Variants in CHL1 observed in about 807,000 individuals in gnomAD.
CHL1 encodes cell adhesion molecule L1 like, also known as neural cell adhesion molecule L1-like protein.
CHL1 carries 96 observed loss-of-function variants against 141.9 expected under a neutral mutation model. That is an observed-to-expected ratio of 0.68 (90% CI 0.57 to 0.80). The LOEUF is 0.80. Ranked by LOEUF, CHL1 falls within the 30% of genes least tolerant of loss-of-function variation. The pLI, the probability that CHL1 is intolerant of heterozygous loss-of-function variation, is 0.00. For synonymous variants in CHL1, 613 were observed against 502.2 expected, an observed-to-expected ratio of 1.22 and a Z score of -2.95; for missense variants, 1,820 against 1,457.2, an observed-to-expected ratio of 1.25 and a Z score of -4.05.
intron 2 of CHL1, among the ~76,000 whole-genome samples, chr3:251,974 T>G (rs1315149512): frequency 3.3e-5 from 5 of 152,032 alleles, no homozygotes; most frequent in Non-Finnish European, 7.4e-5. Flanking sequence ...AATATCAAGC[T>G]GAGTTGGAAA....
At chr3:225,702 G>A (rs536006030) in intron 1 of CHL1, among the ~76,000 whole-genome samples, 2 of 152,160 alleles carry the variant, frequency 1.3e-5, no homozygotes, top group African/African-American at 4.8e-5. Flanking sequence ...GTAAAATCAA[G>A]CGAGGAACAG....
chr3:256,056 C>T lies in CHL1; in HGVS notation c.-95+11364C>T, dbSNP rs534518357. Among the ~76,000 whole-genome samples the T allele has an allele frequency of 3.5e-4, 53 of 152,322 alleles. No individual in the cohort carries two copies. The South Asian group carries it at 0.011, about 32-fold the overall frequency. On this transcript the variant is annotated intron_variant, in intron 2 of 27. Coordinates refer to ENST00000256509, the MANE Select transcript of CHL1 (RefSeq NM_006614.4). ...GTGAGTTACCTATAATTATCTACAG[C>T]ATCTATCAATAATGCCTTTAGTTCC...
chr3:241,483 C>G (rs1434323931), intron 1 of CHL1, among the ~76,000 whole-genome samples: 1 of 152,156 alleles, frequency 6.6e-6, no homozygotes, highest in Non-Finnish European at 1.5e-5. Context: ...ATTACACCAG[C>G]CATGGGTAGG....
intron 1 of CHL1, among the ~76,000 whole-genome samples, chr3:203,878 C>G (rs1201566343): frequency 6.6e-6 from 1 of 152,178 alleles, no homozygotes; most frequent in Non-Finnish European, 1.5e-5. Flanking sequence ...GGATCTGAAT[C>G]TGGGAAGTAC....
chr3:293,514 T>TA (rs1453109019), intron 2 of CHL1, among the ~76,000 whole-genome samples: 1 of 151,672 alleles, frequency 6.6e-6, no homozygotes, highest in South Asian at 2.1e-4. Flanking sequence ...AAAAAAATTT[T>TA]AAAAAAACCC....
chr3:228,842 A>G (rs527565079), intron 1 of CHL1, among the ~76,000 whole-genome samples: 292 of 152,298 alleles, frequency 1.9e-3, no homozygotes, highest in African/African-American at 6.7e-3. Context: ...CTAATGGTTG[A>G]TTTAATGGTG....
chr3:329,007 G>A (rs376974774), intron 5 of CHL1, among the ~76,000 whole-genome samples: 6 of 152,230 alleles, frequency 3.9e-5, no homozygotes, highest in South Asian at 4.1e-4. Flanking sequence ...AATGTTAACC[G>A]TAAATAAAAT....
intron 2 of CHL1, among the ~76,000 whole-genome samples, chr3:254,632 T>C (rs1352355516): frequency 6.6e-6 from 1 of 152,148 alleles, no homozygotes; most frequent in Non-Finnish European, 1.5e-5. Context: ...ACCTTGTGGA[T>C]AGTAGAAATT....
chr3:200,452 C>T (rs1384979514), intron 1 of CHL1, among the ~76,000 whole-genome samples: 4 of 152,046 alleles, frequency 2.6e-5, no homozygotes, highest in Non-Finnish European at 4.4e-5. Flanking sequence ...GTCAACGTTC[C>T]TTGTTATTTT....
At chr3:384,524 C>T (rs1488623428) in intron 19 of CHL1, 2 of 152,122 alleles carry the variant, frequency 1.3e-5, no homozygotes, top group Non-Finnish European at 2.9e-5. Flanking sequence ...ATTAAATAGA[C>T]TTCACCATTT....
intron 27 of CHL1, among the ~76,000 whole-genome samples, chr3:405,099 A>G (rs1277223739): frequency 6.6e-6 from 1 of 152,022 alleles, no homozygotes; most frequent in Non-Finnish European, 1.5e-5. Context: ...CAAAGACTCC[A>G]CCTCTAACAC....
At chr3:359,451 C>T (rs1445166564) in intron 11 of CHL1, among the ~76,000 whole-genome samples, 1 of 151,944 alleles carries the variant, frequency 6.6e-6, no homozygotes, top group Non-Finnish European at 1.5e-5. Flanking sequence ...TACAGGAGTG[C>T]ACCACCACAC....
At chr3:198,646 A>C (rs774203632) in intron 1 of CHL1, among the ~76,000 whole-genome samples, 51 of 152,238 alleles carry the variant, frequency 3.4e-4, no homozygotes, top group Non-Finnish European at 6.5e-4. Context: ...TAAATTTAAC[A>C]CCATATGCAT....
At chr3:237,923 AG>A (rs1397549363) in intron 1 of CHL1, among the ~76,000 whole-genome samples, 1 of 152,216 alleles carries the variant, frequency 6.6e-6, no homozygotes, top group Non-Finnish European at 1.5e-5. Context: ...AAGTATTCTT[AG>A]AAAAAGTTGA....
chr3:252,341 C>T (rs1340282540), intron 2 of CHL1, among the ~76,000 whole-genome samples: 3 of 118,020 alleles, frequency 2.5e-5, no homozygotes, highest in Non-Finnish European at 5.0e-5. Context: ...TGTAGAGCCA[C>T]AGATTTAAGA....
chr3:319,773 A>G lies in CHL1; in HGVS notation c.-4A>G, dbSNP rs78920232. ...TTACCGGGTTGTCTTCTTCCTGAAGAGCAATGGAGCCGCTTTTACTTGGAA... is the reference window on the plus strand; with the variant it reads ...TTACCGGGTTGTCTTCTTCCTGAAGGGCAATGGAGCCGCTTTTACTTGGAA... On this transcript the variant is annotated 5_prime_UTR_variant, in exon 3 of 28. Transcript: ENST00000256509. The G allele has an allele frequency of 6.6e-4, 1,048 of 1,594,582 alleles. No individual in the cohort carries two copies. The African/African-American group carries it at 0.012, about 18-fold the overall frequency.
Position 391,168 on chromosome 3 carries a change from ATAATGAT to A in CHL1, c.2791+10_2791+16del. On this transcript the variant is annotated intron_variant, in intron 22 of 27. Coordinates refer to ENST00000256509, the MANE Select transcript of CHL1 (RefSeq NM_006614.4). ...TCAAACACCAGAAGGAGGTGAGAGGATAATGATGTAGAGTCATGTCAAAAATGGAGGT... is the reference window on the plus strand; with the variant it reads ...TCAAACACCAGAAGGAGGTGAGAGGAGTAGAGTCATGTCAAAAATGGAGGT... The A allele has an allele frequency of 4.4e-6, 7 of 1,592,464 alleles. No homozygotes were observed. Among genetic ancestry groups the A allele is most frequent in the Non-Finnish European group, 6.0e-6 (7 of 1,160,686 alleles).
At chr3:222,158 T>C (rs966280519) in intron 1 of CHL1, among the ~76,000 whole-genome samples, 8 of 152,246 alleles carry the variant, frequency 5.3e-5, no homozygotes, top group African/African-American at 4.8e-5. Flanking sequence ...TCAAATTTAG[T>C]GGCTTAAACC....
intron 4 of CHL1, 82 bp downstream of exon 4, chr3:326,146 G>T (rs1354824995): frequency 1.0e-5 from 8 of 773,648 alleles, no homozygotes; most frequent in African/African-American, 1.8e-5. Context: ...TCACAAGCCT[G>T]TTGGACTATG....
Sources: allele counts gnomAD v4.1 joint callset (sites outside exome capture counted in the v4.1 genomes callset), GRCh38; gene constraint gnomAD v4.1.1; transcripts MANE v1.5; gene names NCBI Gene and HGNC (gene_info 2026-07-23, HGNC 2026-07-21).